Variants in VTI1A observed in about 807,000 individuals in gnomAD.
The protein encoded by VTI1A is vesicle transport through interaction with t-SNAREs 1A, also known as vesicle transport through interaction with t-SNAREs homolog 1A.
Under a neutral mutation model 34.9 loss-of-function variants are expected in VTI1A, and 22 were observed. The observed-to-expected ratio is 0.63, with a 90% CI of 0.45 to 0.90. The LOEUF is 0.90. Among genes scored for constraint, VTI1A ranks in the 40% least tolerant of loss-of-function variants. The pLI is 0.00. For synonymous variants in VTI1A, 87 were observed against 97.3 expected (o/e 0.89, Z 0.62); for missense variants, 268 against 275.6 (o/e 0.97, Z 0.20).
intron 7 of VTI1A, among the ~76,000 whole-genome samples, chr10:112,721,425 GAAC>G (rs1428001445): frequency 2.0e-5 from 3 of 152,304 alleles, no homozygotes; most frequent in African/African-American, 7.2e-5. Flanking sequence ...ACCAATAACA[GAAC>G]AACTTACATT....
intron 7 of VTI1A, among the ~76,000 whole-genome samples, chr10:112,787,054 T>C (rs529642780): frequency 1.3e-5 from 2 of 152,328 alleles, no homozygotes; most frequent in South Asian, 4.1e-4. Flanking sequence ...TGTGGGAAGA[T>C]TTTAAATTAC....
chr10:112,542,688 C>T (rs1850913443), intron 5 of VTI1A, among the ~76,000 whole-genome samples: 1 of 152,178 alleles, frequency 6.6e-6, no homozygotes, highest in African/African-American at 2.4e-5. Context: ...TATATTCATT[C>T]TCTCTTTAAT....
chr10:112,694,952 G>C (rs886743728), intron 7 of VTI1A, among the ~76,000 whole-genome samples: 5 of 152,140 alleles, frequency 3.3e-5, no homozygotes, highest in African/African-American at 1.2e-4. Flanking sequence ...CCGGGTGACA[G>C]AGTGAGACTC....
downstream of VTI1A, among the ~76,000 whole-genome samples, chr10:112,821,065 C>T (rs1853641962): frequency 6.6e-6 from 1 of 152,208 alleles, no homozygotes; most frequent in South Asian, 2.1e-4. Context: ...AGCACTTCCT[C>T]ATCCGGAATC....
At position 112,630,079 on chromosome 10, in the gene VTI1A, G is replaced by A. The variant is rs7071077; in HGVS notation, c.428-38139G>A. ...GTTTTTTTCTCGAAATGCCCACTTCGTTCCCAATTGATCAAAAGATGAAGG... is the reference window on the plus strand; with the variant it reads ...GTTTTTTTCTCGAAATGCCCACTTCATTCCCAATTGATCAAAAGATGAAGG... On this transcript the variant is annotated intron_variant, in intron 5 of 7. Coordinates refer to ENST00000393077, the MANE Select transcript of VTI1A (RefSeq NM_145206.4). 5.0e-3 allele frequency among the ~76,000 whole-genome samples: 766 copies of A among 152,184 alleles called. 6 individuals are homozygous for A. The highest frequency in any genetic ancestry group is 0.018 in the African/African-American group (738 of 41,540).
intron 7 of VTI1A, among the ~76,000 whole-genome samples, chr10:112,684,437 CT>C (rs35671432): frequency 5.3e-4 from 65 of 123,466 alleles, no homozygotes; most frequent in Non-Finnish European, 6.0e-4. Context: ...ATGCTCATCT[CT>C]TTTTTTTTTT....
At chr10:112,478,510 C>A (rs1410936703) in intron 3 of VTI1A, among the ~76,000 whole-genome samples, 1 of 152,220 alleles carries the variant, frequency 6.6e-6, no homozygotes, top group East Asian at 1.9e-4. Context: ...AATGTAAACC[C>A]TCTTCTGCGT....
At chr10:112,734,914 G>C (rs2133965112) in intron 7 of VTI1A, among the ~76,000 whole-genome samples, 1 of 152,154 alleles carries the variant, frequency 6.6e-6, no homozygotes, top group East Asian at 1.9e-4. Context: ...TTATAGGCAT[G>C]AGCAACTGCG....
intron 5 of VTI1A, among the ~76,000 whole-genome samples, chr10:112,578,437 G>T (rs1402844938): frequency 6.6e-6 from 1 of 152,100 alleles, no homozygotes; most frequent in African/African-American, 2.4e-5. Flanking sequence ...GGAAGAATAG[G>T]TTTGGAGGGC....
chr10:112,845,796 T>C, the VTI1A span, among the ~76,000 whole-genome samples: 1 of 152,082 alleles, frequency 6.6e-6, no homozygotes, highest in Non-Finnish European at 1.5e-5. Context: ...GGCAGGCAGA[T>C]CATTTGAGGT....
At chr10:112,752,378 C>T (rs985778283) in intron 7 of VTI1A, 10 of 985,290 alleles carry the variant, frequency 1.0e-5, no homozygotes, top group East Asian at 1.1e-4. Context: ...ATTACATTAT[C>T]GACTAGTCTG....
intron 5 of VTI1A, among the ~76,000 whole-genome samples, chr10:112,660,057 A>G (rs1847386665): frequency 6.6e-6 from 1 of 152,096 alleles, no homozygotes; most frequent in Admixed American, 6.5e-5. Context: ...CCCGTGCTCT[A>G]GTTTTCTTAT....
At chr10:112,533,673 A>G (rs1850525259) in intron 4 of VTI1A, 2 of 461,436 alleles carry the variant, frequency 4.3e-6, no homozygotes, top group Non-Finnish European at 5.8e-6. Flanking sequence ...AGCAAAAAGT[A>G]TCATTTATAT....
chr10:112,759,129 G>T (rs1347906127), intron 7 of VTI1A, among the ~76,000 whole-genome samples: 2 of 152,162 alleles, frequency 1.3e-5, no homozygotes, highest in Non-Finnish European at 2.9e-5. Context: ...TGGTAGAAAT[G>T]CATCCTTGGT....
intron 7 of VTI1A, among the ~76,000 whole-genome samples, chr10:112,714,032 A>G (rs1040831715): frequency 3.3e-5 from 5 of 152,086 alleles, no homozygotes; most frequent in Non-Finnish European, 5.9e-5. Context: ...ACCTTTTAGC[A>G]TTCTAGGTCT....
At chr10:112,575,432 C>T (rs1852293988) in intron 5 of VTI1A, among the ~76,000 whole-genome samples, 1 of 152,168 alleles carries the variant, frequency 6.6e-6, no homozygotes. Flanking sequence ...TGATATTTAT[C>T]CTCTCTTTGC....
At chr10:112,759,063 C>T (rs147962303) in intron 7 of VTI1A, among the ~76,000 whole-genome samples, 1 of 152,180 alleles carries the variant, frequency 6.6e-6, no homozygotes, top group Non-Finnish European at 1.5e-5. Flanking sequence ...CCCAGGCCTC[C>T]CCTGCCTCCC....
chr10:112,516,466 G>T (rs1849784179), intron 3 of VTI1A, among the ~76,000 whole-genome samples: 1 of 151,788 alleles, frequency 6.6e-6, no homozygotes, highest in Admixed American at 6.6e-5. Flanking sequence ...TATATTTTTA[G>T]ACAATTATTC....
At chr10:112,612,762 C>T (rs1301984961) in intron 5 of VTI1A, among the ~76,000 whole-genome samples, 1 of 152,124 alleles carries the variant, frequency 6.6e-6, no homozygotes, top group Non-Finnish European at 1.5e-5. Flanking sequence ...TAGATAATAA[C>T]CTATAAAATA....
Sources: gnomAD v4.1 joint callset for allele counts (sites outside exome capture counted in the v4.1 genomes callset) on GRCh38, gnomAD v4.1.1 for gene constraint, MANE v1.5 for transcripts, NCBI Gene and HGNC (gene_info 2026-07-23, HGNC 2026-07-21) for gene names.